The following TLL1 variants were observed in gnomAD, a reference collection of about 807,000 sequenced individuals.
TLL1 encodes the protein tolloid like 1.
A neutral mutation model predicts 128.2 loss-of-function variants in TLL1; 49 were observed. The ratio of observed to expected loss-of-function variants is 0.38; its 90% CI spans 0.30 to 0.48. TLL1 has a LOEUF of 0.48. TLL1 is among the 20% of genes least tolerant of loss of function. TLL1 has a pLI of 0.96. For missense variants in TLL1, 1,123 were observed against 1,242.0 expected (o/e 0.90, Z 1.44); for synonymous variants, 454 against 418.8 (o/e 1.08, Z -1.03).
chr4:166,066,444 CA>C (rs1030602512), intron 16 of TLL1, among the ~76,000 whole-genome samples: 1 of 151,684 alleles, frequency 6.6e-6, no homozygotes, highest in Non-Finnish European at 1.5e-5. Flanking sequence ...AAAACCAAGA[CA>C]TTTTTTTCTC....
At chr4:166,059,072 A>C (rs1368335639) in intron 14 of TLL1, among the ~76,000 whole-genome samples, 1 of 152,190 alleles carries the variant, frequency 6.6e-6, no homozygotes, top group Non-Finnish European at 1.5e-5. Flanking sequence ...TGAGACAATC[A>C]AAAAATAACA....
rs57920393 is a variant in TLL1, at chr4:165,895,633, TAAAAAAAAAAA to T, written c.169+21579_169+21589del. 6.1e-3 allele frequency among the ~76,000 whole-genome samples: 417 copies of T among 68,450 alleles called. 6 individuals are homozygous for T. The highest frequency in any genetic ancestry group is 0.017 in the Middle Eastern group (2 of 118). 44.9% of individuals were successfully genotyped at this position (68,450 alleles called of 152,430 possible). On this transcript the variant is annotated intron_variant, in intron 1 of 20. Transcript: ENST00000061240. Reference sequence around the variant, plus strand: ...CCAAAAAGCTCAGTAAGACTTTTTGTAAAAAAAAAAAAAAAAAAAAAAAAAAAAAGACACTG... The same window carrying T: ...CCAAAAAGCTCAGTAAGACTTTTTGTAAAAAAAAAAAAAAAAAAGACACTG...
At chr4:166,082,957 G>A (rs1408011397) in intron 18 of TLL1, among the ~76,000 whole-genome samples, 1 of 152,126 alleles carries the variant, frequency 6.6e-6, no homozygotes, top group Non-Finnish European at 1.5e-5. Flanking sequence ...GATTACAGGA[G>A]TGAGCCACCG....
At chr4:165,959,405 T>C (rs1206080526) in intron 1 of TLL1, among the ~76,000 whole-genome samples, 1 of 152,178 alleles carries the variant, frequency 6.6e-6, no homozygotes, top group African/African-American at 2.4e-5. Context: ...TGGTTTGTAG[T>C]TCTCCTTGAA....
At chr4:165,990,698 T>C (rs34205757) in intron 2 of TLL1, among the ~76,000 whole-genome samples, 85,405 of 151,728 alleles carry the variant, frequency 0.56, 26,734 homozygotes, top group Admixed American at 0.71. Context: ...GCATGTACTT[T>C]GTAAGAATAA....
chr4:165,995,222 TA>T, intron 5 of TLL1, 44 bp downstream of exon 5: 1 of 1,353,828 alleles, frequency 7.4e-7, no homozygotes, highest in Non-Finnish European at 1.1e-6. Flanking sequence ...AAAAAAAAAT[TA>T]AAAGGAAAAC....
intron 19 of TLL1, among the ~76,000 whole-genome samples, chr4:166,093,582 C>G (rs1579735117): frequency 6.6e-6 from 1 of 152,154 alleles, no homozygotes; most frequent in African/African-American, 2.4e-5. Flanking sequence ...CAGTGGCTTT[C>G]CTCTATCTGA....
rs906848423 is a variant in TLL1 at position 165,977,053 on chromosome 4, A to T, written c.170-12328A>T. 2.0e-5 allele frequency among the ~76,000 whole-genome samples: 3 copies of T among 152,338 alleles called. No individual in the cohort carries two copies. In the East Asian group the frequency reaches 5.8e-4, roughly 29 times the overall value. ...ATGAAGAGATATTTAATCTTTAACT[A>T]TAACAAAAGAAAAAAATAGGTTAAT... is the stretch of plus-strand genomic sequence containing the variant. On this transcript the variant is annotated intron_variant, in intron 1 of 20. Transcript: ENST00000061240.
At chr4:166,077,796 A>G (rs1741102123) in intron 17 of TLL1, 107 bp from the exon 18 acceptor site, 1 of 1,495,738 alleles carries the variant, frequency 6.7e-7, no homozygotes, top group Non-Finnish European at 9.3e-7. Context: ...ATTAGCTGGT[A>G]TTCAGGAAAA....
At chr4:165,980,980 CA>C (rs1425842536) in intron 1 of TLL1, among the ~76,000 whole-genome samples, 2 of 151,994 alleles carry the variant, frequency 1.3e-5, no homozygotes, top group Admixed American at 6.6e-5. Flanking sequence ...TGTAAGCCTC[CA>C]TGGCTTCATT....
chr4:165,885,480 G>A (rs1431042418), intron 1 of TLL1, among the ~76,000 whole-genome samples: 2 of 151,874 alleles, frequency 1.3e-5, no homozygotes, highest in Non-Finnish European at 2.9e-5. Flanking sequence ...GCCACCATAG[G>A]CCCTGAAGTA....
intron 1 of TLL1, among the ~76,000 whole-genome samples, chr4:165,983,887 A>G (rs1298859403): frequency 1.3e-5 from 2 of 151,896 alleles, no homozygotes; most frequent in Non-Finnish European, 2.9e-5. Flanking sequence ...TGCTCCTTCC[A>G]ATCCAGTGTG....
intron 1 of TLL1, among the ~76,000 whole-genome samples, chr4:165,934,727 T>A (rs1336284214): frequency 1.3e-5 from 2 of 152,216 alleles, no homozygotes; most frequent in Non-Finnish European, 2.9e-5. Flanking sequence ...CTGTAACCCA[T>A]CTCCTGGTGG....
intron 8 of TLL1, among the ~76,000 whole-genome samples, chr4:166,021,889 A>G (rs1738256810): frequency 6.6e-6 from 1 of 152,096 alleles, no homozygotes; most frequent in Non-Finnish European, 1.5e-5. Context: ...TCCGGGCTGC[A>G]TACTGAATGA....
chr4:165,933,081 C>T (rs1362862528), intron 1 of TLL1, among the ~76,000 whole-genome samples: 2 of 152,190 alleles, frequency 1.3e-5, no homozygotes, highest in African/African-American at 4.8e-5. Flanking sequence ...AAAACCAATA[C>T]TCTAGCCTAT....
chr4:166,084,054 C>A (rs564643454), intron 18 of TLL1, among the ~76,000 whole-genome samples: 20 of 152,040 alleles, frequency 1.3e-4, no homozygotes, highest in Non-Finnish European at 2.4e-4. Context: ...CACTCGTTAT[C>A]TTTTGTGTTT....
chr4:166,092,097 A>C (rs1741802127), intron 19 of TLL1, among the ~76,000 whole-genome samples: 1 of 152,188 alleles, frequency 6.6e-6, no homozygotes, highest in Admixed American at 6.6e-5. Flanking sequence ...ACTGACACCT[A>C]GTGGCATTGC....
At chr4:165,900,520 C>T (rs1731932354) in intron 1 of TLL1, among the ~76,000 whole-genome samples, 1 of 152,148 alleles carries the variant, frequency 6.6e-6, no homozygotes, top group Admixed American at 6.5e-5. Flanking sequence ...ATATGAAATT[C>T]TGGGTTGAAA....
intron 1 of TLL1, among the ~76,000 whole-genome samples, chr4:165,987,883 A>G (rs1736459259): frequency 6.6e-6 from 1 of 152,146 alleles, no homozygotes; most frequent in Non-Finnish European, 1.5e-5. Context: ...ATCCAATGAA[A>G]GACAGTAATT....
Sources: gnomAD v4.1 joint callset for allele counts (sites outside exome capture counted in the v4.1 genomes callset) on GRCh38, gnomAD v4.1.1 for gene constraint, MANE v1.5 for transcripts, NCBI Gene and HGNC (gene_info 2026-07-23, HGNC 2026-07-21) for gene names.